The following ZNF675 variants were observed in gnomAD, a reference collection of about 807,000 sequenced individuals.
ZNF675 encodes the protein TRAF6 inhibitory zinc finger.
Under a neutral mutation model 56.1 loss-of-function variants are expected in ZNF675, and 36 were observed. That is an observed-to-expected ratio of 0.64 (90% CI 0.49 to 0.85). The LOEUF (loss-of-function observed/expected upper bound fraction) is 0.85, where lower values mean the gene tolerates loss of function less well. Among genes scored for constraint, ZNF675 ranks in the 40% least tolerant of loss-of-function variants. The pLI is 0.00. For synonymous variants in ZNF675, 200 were observed against 218.9 expected (o/e 0.91, Z 0.76); for missense variants, 663 against 654.2 (o/e 1.01, Z -0.15).
intron 1 of ZNF675, among the ~76,000 whole-genome samples, chr19:23,667,478 T>TGC (rs1968168274): frequency 6.6e-6 from 1 of 152,156 alleles, no homozygotes; most frequent in South Asian, 2.1e-4. Flanking sequence ...CGCTGATTGG[T>TGC]GCCTTTACAA....
At chr19:23,669,981 G>C (rs1249922618) in intron 1 of ZNF675, among the ~76,000 whole-genome samples, 1 of 152,130 alleles carries the variant, frequency 6.6e-6, no homozygotes, top group Non-Finnish European at 1.5e-5. Context: ...GGGGCCTAAA[G>C]AGGGGATGTT....
intron 1 of ZNF675, among the ~76,000 whole-genome samples, chr19:23,685,621 GTTC>G (rs1478319343): frequency 1.3e-5 from 2 of 152,220 alleles, no homozygotes; most frequent in South Asian, 2.1e-4. Context: ...TCAGGGAATT[GTTC>G]TTCTTTTTCT....
chr19:23,655,639 A>C (rs891472126), intron 3 of ZNF675: 1 of 152,148 alleles, frequency 6.6e-6, no homozygotes, highest in Non-Finnish European at 1.5e-5. Flanking sequence ...TCAGGACCCA[A>C]ATCAACAATG....
intron 1 of ZNF675, among the ~76,000 whole-genome samples, chr19:23,678,536 C>A (rs1483039506): frequency 6.9e-6 from 1 of 145,538 alleles, no homozygotes; most frequent in Admixed American, 6.8e-5. Flanking sequence ...CAGGTATGAG[C>A]CACCACACCT....
Position 23,660,706 on chromosome 19 carries a change from T to C in ZNF675, c.226+1408A>G, listed in dbSNP as rs576986038. On this transcript the variant is annotated intron_variant, in intron 3 of 3. Transcript: ENST00000359788. ...GATATTAGAAAAGACATAAATAAAC[T>C]TGAAAATATTTTATGTCTATGAACT... Among the ~76,000 whole-genome samples the C allele has an allele frequency of 3.3e-5, 5 of 152,258 alleles. No homozygotes were observed. The East Asian group carries it at 9.6e-4, about 29-fold the overall frequency.
intron 1 of ZNF675, among the ~76,000 whole-genome samples, chr19:23,666,305 T>C (rs1968149972): frequency 6.6e-6 from 1 of 152,242 alleles, no homozygotes. Flanking sequence ...TAGCCTCTAA[T>C]TGGTTGCTTT....
At chr19:23,674,116 T>C (rs901949466) in intron 1 of ZNF675, among the ~76,000 whole-genome samples, 1 of 151,170 alleles carries the variant, frequency 6.6e-6, no homozygotes, top group Non-Finnish European at 1.5e-5. Flanking sequence ...GGCAGAAGAA[T>C]TGTTTGAACC....
chr19:23,685,471 G>GA (rs1269519595), intron 1 of ZNF675, among the ~76,000 whole-genome samples: 1 of 152,184 alleles, frequency 6.6e-6, no homozygotes, highest in East Asian at 1.9e-4. Flanking sequence ...CCCAGGACCA[G>GA]AAAAAACTGA....
At chr19:23,670,329 T>C (rs1599418265) in intron 1 of ZNF675, among the ~76,000 whole-genome samples, 3 of 152,282 alleles carry the variant, frequency 2.0e-5, no homozygotes, top group South Asian at 4.1e-4. Flanking sequence ...GACGCTATCC[T>C]GCAATCAGGC....
chr19:23,653,848 T>G lies in ZNF675; in HGVS notation c.1085A>C (p.His362Pro). Reference protein sequence around the residue: ...SSKLTEHKNIHTGEQPYKCEE... With the variant: ...SSKLTEHKNIPTGEQPYKCEE... Reference sequence around the variant, plus strand: ...ACATTTGTAGGGTTGCTCTCCAGTATGAATGTTTTTATGTTCAGTAAGTTT... The same window carrying G: ...ACATTTGTAGGGTTGCTCTCCAGTAGGAATGTTTTTATGTTCAGTAAGTTT... The change falls in exon 4 of 4, where the codon CAT (histidine) becomes CCT (proline). Residue 362 changes from histidine to proline, a missense_variant. Around this residue, in one of 3 missense-constraint regions of ZNF675, gnomAD observed 617 missense variants for 590.5 expected, o/e 1.04. Transcript: ENST00000359788. 1.2e-6 allele frequency: 2 copies of G among 1,613,912 alleles called. No homozygotes were observed.
chr19:23,687,145 G>T lies in ZNF675; in HGVS notation c.-112C>A. On this transcript the variant is annotated 5_prime_UTR_variant, in exon 1 of 4. Transcript: ENST00000359788. The stretch of plus-strand genomic sequence containing the variant: ...GAGCAGAGGACACAGAGCAATGAAA[G>T]CGAGACCTGGAGCTCCGGCTGCAGC... The T allele has an allele frequency of 7.6e-7, 1 of 1,309,004 alleles. No homozygotes were observed. The highest frequency in any genetic ancestry group is 1.1e-6 in the Non-Finnish European group (1 of 918,096). The allele number at this position is 1,309,004 out of a possible 1,614,324, so 81.1% of individuals were successfully genotyped here. A position where few individuals can be genotyped will look rare whatever the true frequency, so the allele number is the denominator to read the frequency against.
chr19:23,682,404 AT>A (rs1180933588), intron 1 of ZNF675, among the ~76,000 whole-genome samples: 1 of 151,736 alleles, frequency 6.6e-6, no homozygotes. Flanking sequence ...TGGAATTAAA[AT>A]TTTTTTTACA....
At chr19:23,655,794 T>G (rs1402789593) in intron 3 of ZNF675, 1 of 152,178 alleles carries the variant, frequency 6.6e-6, no homozygotes, top group Non-Finnish European at 1.5e-5. Flanking sequence ...GTGTATTCTG[T>G]TAGGACACAA....
chr19:23,661,134 T>A (rs1683497745), intron 3 of ZNF675, among the ~76,000 whole-genome samples: 1 of 152,030 alleles, frequency 6.6e-6, no homozygotes, highest in East Asian at 1.9e-4. Context: ...TTTCACCATG[T>A]TAGCCAGGTT....
intron 1 of ZNF675, among the ~76,000 whole-genome samples, chr19:23,685,292 G>A (rs948395043): frequency 2.6e-5 from 4 of 152,084 alleles, no homozygotes; most frequent in African/African-American, 9.7e-5. Context: ...AAGAGCGCAG[G>A]GGAGAGTCCT....
chr19:23,668,925 C>G (rs1226409545), intron 1 of ZNF675, among the ~76,000 whole-genome samples: 1 of 152,204 alleles, frequency 6.6e-6, no homozygotes, highest in Non-Finnish European at 1.5e-5. Flanking sequence ...CAACTCCCTA[C>G]AAGCTGAGGG....
At chr19:23,668,197 T>C (rs577952582) in intron 1 of ZNF675, among the ~76,000 whole-genome samples, 20 of 151,052 alleles carry the variant, frequency 1.3e-4, no homozygotes, top group African/African-American at 4.4e-4. Flanking sequence ...GAGTGCCGAT[T>C]GGTGTATTTA....
At chr19:23,669,194 G>A (rs988117471) in intron 1 of ZNF675, among the ~76,000 whole-genome samples, 11 of 152,214 alleles carry the variant, frequency 7.2e-5, no homozygotes, top group African/African-American at 2.7e-4. Flanking sequence ...GTTCTCTGAA[G>A]GCCAATGAGC....
chr19:23,658,796 T>TAG (rs1325207468), intron 3 of ZNF675: 2 of 129,706 alleles, frequency 1.5e-5, no homozygotes, highest in East Asian at 2.8e-4. Context: ...TATATATCTA[T>TAG]AGATATCTAT....
Sources: gnomAD v4.1 joint callset for allele counts (sites outside exome capture counted in the v4.1 genomes callset) on GRCh38, gnomAD v4.1.1 for gene constraint, gnomAD v4.1.1 regional missense constraint, MANE v1.5 for transcripts, NCBI Gene and HGNC (gene_info 2026-07-23, HGNC 2026-07-21) for gene names.